The following RBFOX1 variants were observed in gnomAD, a reference collection of about 807,000 sequenced individuals.
The protein encoded by RBFOX1 is RNA binding fox-1 homolog 1.
RBFOX1 carries 8 observed loss-of-function variants against 57.7 expected under a neutral mutation model. The ratio of observed to expected loss-of-function variants is 0.14; its 90% CI spans 0.08 to 0.25. The LOEUF (loss-of-function observed/expected upper bound fraction) is 0.25. Among genes scored for constraint, RBFOX1 ranks in the 10% least tolerant of loss-of-function variants. The pLI, the probability that RBFOX1 is intolerant of heterozygous loss-of-function variation, is 1.00. For synonymous variants in RBFOX1, 326 were observed against 222.4 expected, an observed-to-expected ratio of 1.47 and a Z score of -4.15; for missense variants, 611 against 548.5, an observed-to-expected ratio of 1.11 and a Z score of -1.14.
At chr16:5,906,416 C>G (rs67550653) in intron 4 of RBFOX1, among the ~76,000 whole-genome samples, 27,221 of 152,150 alleles carry the variant, frequency 0.18, 2,658 homozygotes, top group Middle Eastern at 0.27. Context: ...CAAACTACTG[C>G]ATGCTAGGGT....
chr16:6,972,508 C>T (rs377412620), intron 3 of RBFOX1, among the ~76,000 whole-genome samples: 11 of 152,158 alleles, frequency 7.2e-5, no homozygotes, highest in Middle Eastern at 3.4e-3. Flanking sequence ...TTTGGGTTGC[C>T]GCCACTTGTT....
chr16:5,675,641 A>C (rs1356243080), intron 3 of RBFOX1, among the ~76,000 whole-genome samples: 1 of 152,210 alleles, frequency 6.6e-6, no homozygotes, highest in Non-Finnish European at 1.5e-5. Context: ...TCCGCGTGTC[A>C]TCGTGCAGCC....
intron 3 of RBFOX1, among the ~76,000 whole-genome samples, chr16:5,745,841 C>G (rs571644174): frequency 1.3e-5 from 2 of 152,298 alleles, no homozygotes; most frequent in Non-Finnish European, 2.9e-5. Flanking sequence ...GATATTACCC[C>G]TTTGGCAGAT....
At chr16:5,383,968 C>T (rs140286422) in intron 1 of RBFOX1, among the ~76,000 whole-genome samples, 13 of 152,326 alleles carry the variant, frequency 8.5e-5, no homozygotes, top group African/African-American at 3.1e-4. Flanking sequence ...TCTGCATTCT[C>T]CTCCATGCTG....
chr16:5,637,391 C>A (rs973071378), intron 3 of RBFOX1, among the ~76,000 whole-genome samples: 1 of 152,130 alleles, frequency 6.6e-6, no homozygotes, highest in Admixed American at 6.5e-5. Context: ...CATTTCTGCT[C>A]AGCTCCTTCC....
chr16:7,344,126 T>TA lies in RBFOX1; in HGVS notation c.28-174019dup, dbSNP rs1236205012. Reference sequence around the variant, plus strand: ...CTTTTTTTTTTTTTTTTTTTTTTTTTAACTCCTAAGCTACTCTGAACTGCA... The same window carrying TA: ...CTTTTTTTTTTTTTTTTTTTTTTTTTAAACTCCTAAGCTACTCTGAACTGCA... On this transcript the variant is annotated intron_variant, in intron 4 of 15. Transcript: ENST00000550418. Among the ~76,000 whole-genome samples, 12 of 146,328 alleles carry TA rather than the reference T, an allele frequency of 8.2e-5. 1 individual carries two copies. The highest frequency in any genetic ancestry group is 4.3e-4 in the South Asian group (2 of 4,648).
chr16:5,936,378 C>A (rs1367952084), intron 4 of RBFOX1, among the ~76,000 whole-genome samples: 2 of 152,168 alleles, frequency 1.3e-5, no homozygotes, highest in Non-Finnish European at 2.9e-5. Flanking sequence ...CCTACCTTAG[C>A]CTCCCACAGT....
At chr16:5,831,575 C>A (rs1277546341) in intron 3 of RBFOX1, among the ~76,000 whole-genome samples, 1 of 151,612 alleles carries the variant, frequency 6.6e-6, no homozygotes, top group African/African-American at 2.4e-5. Context: ...CTGCAACCTC[C>A]ACCTACTGGT....
At chr16:6,829,100 G>A (rs1277882498) in intron 3 of RBFOX1, among the ~76,000 whole-genome samples, 2 of 152,156 alleles carry the variant, frequency 1.3e-5, no homozygotes, top group East Asian at 3.9e-4. Flanking sequence ...ACCTCCCCAA[G>A]CCCACTAGTA....
At chr16:6,096,057 G>C (rs2096242027) in intron 1 of RBFOX1, among the ~76,000 whole-genome samples, 1 of 152,240 alleles carries the variant, frequency 6.6e-6, no homozygotes, top group South Asian at 2.1e-4. Context: ...GTCTCATCAT[G>C]TGTCACTTTG....
chr16:7,345,133 T>C (rs1390004145), intron 4 of RBFOX1, among the ~76,000 whole-genome samples: 1 of 152,200 alleles, frequency 6.6e-6, no homozygotes, highest in Non-Finnish European at 1.5e-5. Flanking sequence ...AAATACACTT[T>C]CTGTTTTCCG....
At chr16:6,022,362 C>A (rs1766262706) in intron 1 of RBFOX1, among the ~76,000 whole-genome samples, 1 of 151,988 alleles carries the variant, frequency 6.6e-6, no homozygotes, top group Non-Finnish European at 1.5e-5. Flanking sequence ...CTGGGATTCA[C>A]ACATTGCAAT....
chr16:6,848,212 C>G (rs377681036), intron 3 of RBFOX1, among the ~76,000 whole-genome samples: 28 of 151,982 alleles, frequency 1.8e-4, no homozygotes, highest in African/African-American at 6.8e-4. Context: ...AGTGGCGACA[C>G]CATGGTGAGC....
intron 1 of RBFOX1, among the ~76,000 whole-genome samples, chr16:5,430,331 C>A (rs1009620535): frequency 6.6e-6 from 1 of 152,104 alleles, no homozygotes; most frequent in Non-Finnish European, 1.5e-5. Context: ...TAGCTGGGAA[C>A]AGGCCAGTAG....
intron 4 of RBFOX1, among the ~76,000 whole-genome samples, chr16:5,874,376 G>A (rs917569066): frequency 6.6e-6 from 1 of 152,224 alleles, no homozygotes; most frequent in African/African-American, 2.4e-5. Context: ...CAGAGGATAC[G>A]ATGGTGGGGC....
At chr16:5,489,659 G>T (rs558449197) in intron 2 of RBFOX1, among the ~76,000 whole-genome samples, 1 of 152,180 alleles carries the variant, frequency 6.6e-6, no homozygotes, top group Non-Finnish European at 1.5e-5. Flanking sequence ...CAGGAGTTCA[G>T]AGCCACCCAG....
chr16:5,929,757 C>G (rs1438546837), intron 4 of RBFOX1, among the ~76,000 whole-genome samples: 1 of 152,056 alleles, frequency 6.6e-6, no homozygotes, highest in Non-Finnish European at 1.5e-5. Context: ...CACATGCATA[C>G]CTAGTCACTT....
chr16:7,219,302 C>G (rs1236567625), intron 4 of RBFOX1, among the ~76,000 whole-genome samples: 2 of 152,182 alleles, frequency 1.3e-5, no homozygotes, highest in Non-Finnish European at 2.9e-5. Flanking sequence ...CTGTAAGACA[C>G]AGCAAATAAA....
chr16:5,877,952 C>T (rs551953825), intron 4 of RBFOX1, among the ~76,000 whole-genome samples: 1 of 152,264 alleles, frequency 6.6e-6, no homozygotes, highest in East Asian at 1.9e-4. Context: ...TCAATTTGGT[C>T]CAGTGTCTCG....
Sources: gnomAD v4.1 joint callset for allele counts (sites outside exome capture counted in the v4.1 genomes callset) on GRCh38, gnomAD v4.1.1 for gene constraint, MANE v1.5 for transcripts, NCBI Gene and HGNC (gene_info 2026-07-23, HGNC 2026-07-21) for gene names.